IQCK: variants seen among roughly 807,000 people sequenced by gnomAD.
IQCK encodes the protein IQ domain-containing protein K.
IQCK carries 29 observed loss-of-function variants against 28.1 expected under a neutral mutation model. The ratio of observed to expected loss-of-function variants is 1.03; its 90% CI spans 0.77 to 1.41. The LOEUF is 1.41. Ranked by LOEUF, IQCK falls within the 40% of genes most tolerant of loss-of-function variation. The probability of loss-of-function intolerance (pLI) is 0.00; values close to 1 mark genes in which losing one functional copy is unlikely to be tolerated. For missense variants in IQCK, 359 were observed against 314.7 expected, an observed-to-expected ratio of 1.14 and a Z score of -1.07; for synonymous variants, 113 against 115.1, an observed-to-expected ratio of 0.98 and a Z score of 0.12.
intron 4 of IQCK, among the ~76,000 whole-genome samples, chr16:19,746,745 T>C (rs1299125502): frequency 1.3e-5 from 2 of 152,186 alleles, no homozygotes; most frequent in Admixed American, 1.3e-4. Flanking sequence ...ACCCAATGGT[T>C]CTTTAACAAA....
intron 6 of IQCK, among the ~76,000 whole-genome samples, chr16:19,780,705 T>C (rs777184977): frequency 6.6e-6 from 1 of 152,244 alleles, no homozygotes; most frequent in Non-Finnish European, 1.5e-5. Flanking sequence ...AGTTTGTCCC[T>C]GACAGCAATC....
At chr16:19,829,324 T>A (rs1567196863), downstream of IQCK, among the ~76,000 whole-genome samples, 1 of 150,950 alleles carries the variant, frequency 6.6e-6, no homozygotes, top group Admixed American at 6.6e-5. Flanking sequence ...CGTGAGACTC[T>A]GTACTTCCTA....
chr16:19,735,649 C>T (rs1977990765), intron 4 of IQCK, 199 bp downstream of exon 4: 1 of 565,938 alleles, frequency 1.8e-6, no homozygotes, highest in Admixed American at 3.0e-5. Flanking sequence ...TCTGTCTGGC[C>T]ACTTGGACTC....
At chr16:19,775,210 G>A (rs533389584) in intron 6 of IQCK, among the ~76,000 whole-genome samples, 2 of 149,098 alleles carry the variant, frequency 1.3e-5, no homozygotes, top group African/African-American at 2.5e-5. Context: ...CTGGGCGACA[G>A]GGTGAGACTC....
chr16:19,826,668 G>A (rs955659448), intron 7 of IQCK, among the ~76,000 whole-genome samples: 5 of 152,364 alleles, frequency 3.3e-5, no homozygotes, highest in African/African-American at 9.6e-5. Flanking sequence ...GTAAGCCACC[G>A]TGCCTGGCCA....
At chr16:19,765,842 AT>A (rs1188559352) in intron 6 of IQCK, 1 of 152,184 alleles carries the variant, frequency 6.6e-6, no homozygotes, top group Non-Finnish European at 1.5e-5. Flanking sequence ...TTTGAGTATC[AT>A]TCTCCAAGTT....
chr16:19,736,391 C>G (rs1228154760), intron 4 of IQCK, among the ~76,000 whole-genome samples: 2 of 151,980 alleles, frequency 1.3e-5, no homozygotes, highest in Non-Finnish European at 2.9e-5. Context: ...GCTTCCTGAG[C>G]AGCTGGGACT....
intron 1 of IQCK, among the ~76,000 whole-genome samples, chr16:19,727,643 G>T (rs940188399): frequency 7.3e-5 from 11 of 150,918 alleles, no homozygotes; most frequent in Non-Finnish European, 1.3e-4. Flanking sequence ...AACAATGGTT[G>T]TAGGGTTGCA....
chr16:19,845,038 AAG>A (rs2056400861), intron 9 of IQCK, among the ~76,000 whole-genome samples: 1 of 152,216 alleles, frequency 6.6e-6, no homozygotes, highest in South Asian at 2.1e-4. Context: ...TCCTGGGCTC[AAG>A]AGATCAGCCC....
chr16:19,810,814 A>G (rs1053294536), intron 7 of IQCK, among the ~76,000 whole-genome samples: 4 of 152,084 alleles, frequency 2.6e-5, no homozygotes, highest in Admixed American at 6.5e-5. Context: ...AAAAAAAAAA[A>G]AAAGAAAGAA....
chr16:19,786,602 A>ACAGG (rs2055564934), intron 6 of IQCK, among the ~76,000 whole-genome samples: 1 of 136,946 alleles, frequency 7.3e-6, no homozygotes, highest in Non-Finnish European at 1.5e-5. Flanking sequence ...GGAGGCTGAG[A>ACAGG]CAGGAGGATC....
intron 9 of IQCK, among the ~76,000 whole-genome samples, chr16:19,841,876 G>C (rs1049231403): frequency 7.1e-6 from 1 of 140,214 alleles, no homozygotes; most frequent in South Asian, 2.2e-4. Context: ...ACGCAGTTTT[G>C]TTCTTGTCAC....
intron 4 of IQCK, among the ~76,000 whole-genome samples, chr16:19,752,853 C>T (rs973805277): frequency 5.3e-5 from 8 of 152,124 alleles, no homozygotes; most frequent in Admixed American, 3.3e-4. Context: ...TATGAGCCAT[C>T]GTGCCCGGAC....
chr16:19,831,746 G>T (rs1425725933), downstream of IQCK, among the ~76,000 whole-genome samples: 1 of 151,680 alleles, frequency 6.6e-6, no homozygotes, highest in Non-Finnish European at 1.5e-5. Flanking sequence ...ATTGTGCTCC[G>T]GCATTTACAG....
intron 6 of IQCK, among the ~76,000 whole-genome samples, chr16:19,782,981 G>T (rs1214122890): frequency 2.2e-5 from 3 of 135,552 alleles, no homozygotes; most frequent in Non-Finnish European, 4.5e-5. Flanking sequence ...TTATAGCGTT[G>T]ATTCTTCTTC....
intron 9 of IQCK, among the ~76,000 whole-genome samples, chr16:19,838,271 G>C (rs183465621): frequency 3.3e-3 from 507 of 152,064 alleles, no homozygotes; most frequent in African/African-American, 0.01. Context: ...TGGGATCACT[G>C]GGGGAGGCAG....
chr16:19,718,556 GC>G, intron 1 of IQCK, 69 bp downstream of exon 1: 1 of 1,389,252 alleles, frequency 7.2e-7, no homozygotes, highest in Non-Finnish European at 9.4e-7. Context: ...TTTGGGGAGC[GC>G]CCACTGTGCG....
intron 6 of IQCK, among the ~76,000 whole-genome samples, chr16:19,768,414 A>G (rs1420821635): frequency 6.6e-6 from 1 of 152,190 alleles, no homozygotes; most frequent in African/African-American, 2.4e-5. Context: ...AGGCAGAATT[A>G]AGAGCCTGAG....
chr16:19,837,072 G>A (rs1597602435), intron 9 of IQCK, among the ~76,000 whole-genome samples: 1 of 152,164 alleles, frequency 6.6e-6, no homozygotes, highest in South Asian at 2.1e-4. Flanking sequence ...TATTAATTAA[G>A]CAAAGCATTC....
Sources: allele counts gnomAD v4.1 joint callset (sites outside exome capture counted in the v4.1 genomes callset), GRCh38; gene constraint gnomAD v4.1.1; transcripts MANE v1.5; gene names NCBI Gene and HGNC (gene_info 2026-07-23, HGNC 2026-07-21).